The following NBAS variants were observed in gnomAD, a reference collection of about 807,000 sequenced individuals.
NBAS encodes NAG/BC035112 fusion.
A neutral mutation model predicts 302.5 loss-of-function variants in NBAS; 219 were observed. The ratio of observed to expected loss-of-function variants is 0.72; its 90% CI spans 0.65 to 0.81. The LOEUF is 0.81. Ranked by LOEUF, NBAS falls within the 30% of genes least tolerant of loss-of-function variation. NBAS has a pLI of 0.00. For synonymous variants in NBAS, 1,118 were observed against 1,021.6 expected, an observed-to-expected ratio of 1.09 and a Z score of -1.80; for missense variants, 2,932 against 2,841.6, an observed-to-expected ratio of 1.03 and a Z score of -0.72.
intron 32 of NBAS, among the ~76,000 whole-genome samples, chr2:15,362,203 C>T (rs1483296640): frequency 6.6e-6 from 1 of 151,450 alleles, no homozygotes; most frequent in Non-Finnish European, 1.5e-5. Context: ...TAGGGCCAGG[C>T]ACGGTGGCTC....
At chr2:14,781,490 C>T in the NBAS span, among the ~76,000 whole-genome samples, 1 of 151,600 alleles carries the variant, frequency 6.6e-6, no homozygotes, top group South Asian at 2.1e-4. Flanking sequence ...AAAAAAAATC[C>T]AATACAGCAT....
chr2:14,873,092 C>T, the NBAS span, among the ~76,000 whole-genome samples: 1 of 152,222 alleles, frequency 6.6e-6, no homozygotes, highest in Non-Finnish European at 1.5e-5. Flanking sequence ...ATTCCCTTAA[C>T]TGGCCCCACC....
chr2:15,119,308 T>C, the NBAS span, among the ~76,000 whole-genome samples: 5 of 103,566 alleles, frequency 4.8e-5, no homozygotes, highest in Non-Finnish European at 8.5e-5. Flanking sequence ...CCTTTCTTTT[T>C]TTTTTTTTTT....
chr2:14,810,349 G>T, the NBAS span, among the ~76,000 whole-genome samples: 2 of 152,240 alleles, frequency 1.3e-5, no homozygotes, highest in East Asian at 1.9e-4. Flanking sequence ...ATGGGGGCAG[G>T]TCTTTCCCAT....
chr2:15,034,980 A>T, the NBAS span, among the ~76,000 whole-genome samples: 1 of 152,158 alleles, frequency 6.6e-6, no homozygotes, highest in Non-Finnish European at 1.5e-5. Context: ...ACTTACTAAC[A>T]TTACACCAAG....
the NBAS span, among the ~76,000 whole-genome samples, chr2:14,783,814 A>G: frequency 2.0e-5 from 3 of 151,482 alleles, no homozygotes; most frequent in African/African-American, 2.4e-5. Context: ...AGCATGATTT[A>G]TAGTCCTTTG....
chr2:15,422,559 A>AC (rs931955971), intron 23 of NBAS, among the ~76,000 whole-genome samples: 3 of 151,944 alleles, frequency 2.0e-5, no homozygotes, highest in South Asian at 2.1e-4. Context: ...AAAAAAAAAA[A>AC]CCCACAGCTT....
chr2:15,454,860 A>C (rs4410258), intron 21 of NBAS, among the ~76,000 whole-genome samples: 91,519 of 151,414 alleles, frequency 0.6, 28,659 homozygotes, highest in Non-Finnish European at 0.68. Context: ...GCCATATTTT[A>C]GTATGTAAGT....
intron 42 of NBAS, among the ~76,000 whole-genome samples, chr2:15,286,499 C>T (rs191886229): frequency 1.3e-5 from 2 of 152,202 alleles, no homozygotes; most frequent in Non-Finnish European, 2.9e-5. Flanking sequence ...TCTCATCTCA[C>T]GCCATGTTCC....
chr2:15,501,674 C>A (rs1490396055), intron 11 of NBAS, among the ~76,000 whole-genome samples: 2 of 149,268 alleles, frequency 1.3e-5, no homozygotes, highest in East Asian at 3.9e-4. Flanking sequence ...ACTGCAAGCT[C>A]CGCCTCCCGG....
the NBAS span, among the ~76,000 whole-genome samples, chr2:15,050,650 G>GATGTC: frequency 6.6e-6 from 1 of 152,182 alleles, no homozygotes; most frequent in Non-Finnish European, 1.5e-5. Flanking sequence ...TGGAGCCCTA[G>GATGTC]AGCTGGGCTA....
intron 9 of NBAS, among the ~76,000 whole-genome samples, chr2:15,518,612 C>T (rs915432558): frequency 1.3e-5 from 2 of 152,018 alleles, no homozygotes; most frequent in African/African-American, 2.4e-5. Flanking sequence ...CTTTACTTCC[C>T]CTTAACAAAA....
chr2:15,220,517 T>A (rs1486535947), intron 47 of NBAS, among the ~76,000 whole-genome samples: 2 of 152,220 alleles, frequency 1.3e-5, no homozygotes, highest in Admixed American at 6.5e-5. Context: ...AAAAGTGAAG[T>A]ATGAATGCTT....
the NBAS span, among the ~76,000 whole-genome samples, chr2:14,875,943 A>G: frequency 6.6e-6 from 1 of 152,352 alleles, no homozygotes; most frequent in Non-Finnish European, 1.5e-5. Context: ...TGCATCAGGC[A>G]TAGCAGCTGC....
At chr2:15,377,738 T>C (rs1302897550) in intron 30 of NBAS, among the ~76,000 whole-genome samples, 1 of 152,134 alleles carries the variant, frequency 6.6e-6, no homozygotes, top group Non-Finnish European at 1.5e-5. Flanking sequence ...CTCAACACAA[T>C]GCTGTAAAGC....
At chr2:15,539,841 G>A (rs201597755) in intron 6 of NBAS, among the ~76,000 whole-genome samples, 14 of 149,672 alleles carry the variant, frequency 9.4e-5, no homozygotes, top group African/African-American at 2.8e-4. Flanking sequence ...AGAAAGGGGG[G>A]AAATATATAT....
chr2:15,283,976 A>G (rs1669933517), intron 42 of NBAS, among the ~76,000 whole-genome samples: 1 of 152,168 alleles, frequency 6.6e-6, no homozygotes, highest in African/African-American at 2.4e-5. Flanking sequence ...CTAAGTTTGT[A>G]ATGAGTGACA....
the NBAS span, among the ~76,000 whole-genome samples, chr2:15,029,917 C>T: frequency 6.6e-6 from 1 of 152,218 alleles, no homozygotes; most frequent in African/African-American, 2.4e-5. Context: ...AACACAGACT[C>T]TCGAATCTAA....
At chr2:15,462,564 G>A (rs1428864801) in intron 19 of NBAS, among the ~76,000 whole-genome samples, 1 of 145,706 alleles carries the variant, frequency 6.9e-6, no homozygotes, top group Admixed American at 6.8e-5. Context: ...ATAAATATTT[G>A]TTGACTGAAT....
Sources: gnomAD v4.1 joint callset for allele counts (sites outside exome capture counted in the v4.1 genomes callset) on GRCh38, gnomAD v4.1.1 for gene constraint, MANE v1.5 for transcripts, NCBI Gene and HGNC (gene_info 2026-07-23, HGNC 2026-07-21) for gene names.